CHMP3: variants seen among roughly 807,000 people sequenced by gnomAD.
CHMP3 encodes 25.1 protein.
CHMP3 carries 8 observed loss-of-function variants against 27.4 expected under a neutral mutation model. The observed-to-expected ratio is 0.29, with a 90% confidence interval of 0.17 to 0.53. CHMP3 has a LOEUF of 0.53. Ranked by LOEUF, CHMP3 falls within the 20% of genes least tolerant of loss-of-function variation. The pLI, the probability that CHMP3 is intolerant of heterozygous loss-of-function variation, is 0.96. For missense variants in CHMP3, 208 were observed against 271.5 expected (o/e 0.77, Z 1.64); for synonymous variants, 86 against 85.5 (o/e 1.01, Z -0.03).
chr2:86,531,673 C>T (rs1056491689), intron 2 of CHMP3, among the ~76,000 whole-genome samples: 11 of 152,204 alleles, frequency 7.2e-5, no homozygotes, highest in African/African-American at 2.4e-4. Context: ...CAACTGAATT[C>T]TTTTGCATAT....
At chr2:86,520,265 TCA>T (rs1232590581) in intron 3 of CHMP3, among the ~76,000 whole-genome samples, 1 of 152,196 alleles carries the variant, frequency 6.6e-6, no homozygotes, top group Non-Finnish European at 1.5e-5. Context: ...TTTAATCAGC[TCA>T]CAGTTCTGTG....
Position 86,504,859 on chromosome 2 carries a change from A to G in CHMP3, c.*945T>C, listed in dbSNP as rs1187355077. On this transcript the variant is annotated 3_prime_UTR_variant, in exon 6 of 6. Transcript: ENST00000263856. The stretch of plus-strand genomic sequence containing the variant: ...GTTTTCCTTATTTGTAAAGACTAAG[A>G]TCGCGTATGTCAAAGAGCTCTGTAA... The G allele has an allele frequency of 6.6e-6, 1 of 152,230 alleles. No homozygotes were observed. Among genetic ancestry groups the G allele is most frequent in the Admixed American group, 6.5e-5 (1 of 15,288 alleles). 9.4% of individuals were successfully genotyped at this position (152,230 alleles called of 1,614,324 possible). A position where few individuals can be genotyped will look rare whatever the true frequency, so the allele number is the denominator to read the frequency against.
chr2:86,560,808 A>G (rs1352676584), intron 1 of CHMP3, among the ~76,000 whole-genome samples: 1 of 152,166 alleles, frequency 6.6e-6, no homozygotes, highest in Non-Finnish European at 1.5e-5. Context: ...GGAAGCTTCC[A>G]ATCATGGGGG....
At chr2:86,536,837 T>C (rs867145881) in intron 2 of CHMP3, among the ~76,000 whole-genome samples, 3 of 152,192 alleles carry the variant, frequency 2.0e-5, no homozygotes, top group African/African-American at 7.2e-5. Context: ...CCACAATGCA[T>C]GTTGGTCTAC....
intron 2 of CHMP3, among the ~76,000 whole-genome samples, chr2:86,533,931 C>T (rs1477982676): frequency 1.3e-5 from 2 of 152,182 alleles, no homozygotes; most frequent in East Asian, 1.9e-4. Flanking sequence ...TTTGTGATTT[C>T]TTTTTTCACC....
chr2:86,514,266 A>G (rs1675212014), intron 3 of CHMP3, among the ~76,000 whole-genome samples: 1 of 152,214 alleles, frequency 6.6e-6, no homozygotes, highest in Non-Finnish European at 1.5e-5. Context: ...AATATAAGCC[A>G]CAGTGGTCAA....
intron 1 of CHMP3, among the ~76,000 whole-genome samples, chr2:86,554,816 C>T (rs3051504): frequency 0.51 from 73,763 of 145,264 alleles, 20,499 homozygotes; most frequent in East Asian, 0.74. Flanking sequence ...TGTGTGCGCG[C>T]GTGTGTGTGT....
At chr2:86,517,112 C>T (rs1260209663) in intron 3 of CHMP3, among the ~76,000 whole-genome samples, 4 of 151,882 alleles carry the variant, frequency 2.6e-5, no homozygotes, top group Non-Finnish European at 5.9e-5. Flanking sequence ...AAACATAAGC[C>T]TTAATTTAAA....
chr2:86,563,331 C>T lies in CHMP3; in HGVS notation c.18G>A (p.Lys6=). 1 of 1,614,136 alleles carries T rather than the reference C, an allele frequency of 6.2e-7. No homozygotes were observed. The highest frequency in any genetic ancestry group is 8.5e-7 in the Non-Finnish European group (1 of 1,179,992). Residue 6 remains lysine, a synonymous_variant, in exon 1 of 6, where the codon AAG becomes AAA. Coordinates refer to ENST00000263856, the MANE Select transcript of CHMP3 (RefSeq NM_016079.4). ...GTTCTTTGGGCGGCTTCTCCTGGGT[C>T]TTTCCAAACAGCCCCATGACGAACT... MGLFG[K]TQEKPPKELV...
At position 86,520,013 on chromosome 2, in the gene CHMP3, G is replaced by A. The variant is rs529823811; in HGVS notation, c.286+9205C>T. ...TTGTAGACCTGAGTAATAAATGTGT[G>A]TGGTATGTATAAAATGACATAATGT... is the stretch of plus-strand genomic sequence containing the variant. On this transcript the variant is annotated intron_variant, in intron 3 of 5. Transcript: ENST00000263856. Among the ~76,000 whole-genome samples the A allele has an allele frequency of 2.0e-5, 3 of 152,280 alleles. No homozygotes were observed. In the South Asian group the frequency reaches 6.2e-4, roughly 32 times the overall value.
At chr2:86,546,362 G>C (rs1056338453) in intron 1 of CHMP3, among the ~76,000 whole-genome samples, 1 of 142,694 alleles carries the variant, frequency 7.0e-6, no homozygotes, top group Non-Finnish European at 1.6e-5. Context: ...GAGACCCGAA[G>C]GGAGGGGAAG....
At chr2:86,542,457 T>A in intron 1 of CHMP3, 145 bp from the exon 2 acceptor site, 6 of 750,996 alleles carry the variant, frequency 8.0e-6, no homozygotes, top group Non-Finnish European at 1.1e-5. Flanking sequence ...AGGGTCAAAT[T>A]TTACTTTTTT....
intron 2 of CHMP3, among the ~76,000 whole-genome samples, chr2:86,538,755 G>C (rs953104230): frequency 6.6e-6 from 1 of 152,098 alleles, no homozygotes; most frequent in Admixed American, 6.6e-5. Context: ...TGTTACATTT[G>C]ACTGAAAACT....
intron 1 of CHMP3, among the ~76,000 whole-genome samples, chr2:86,547,268 C>T (rs1030106756): frequency 3.3e-5 from 5 of 152,108 alleles, no homozygotes; most frequent in Non-Finnish European, 7.4e-5. Context: ...TTTGATTGCA[C>T]GGAATACAAG....
At chr2:86,538,323 G>T (rs308909) in intron 2 of CHMP3, among the ~76,000 whole-genome samples, 2,346 of 152,252 alleles carry the variant, frequency 0.015, 37 homozygotes, top group Non-Finnish European at 0.022. Flanking sequence ...TATGGATGAG[G>T]AAACAGATCT....
In CHMP3 at chr2:86,505,876, G is replaced by C. The variant is rs1056031079; in HGVS notation, c.597C>G (p.Ala199=). The C allele has an allele frequency of 3.1e-6, 5 of 1,602,094 alleles. No homozygotes were observed. The African/African-American group carries it at 6.7e-5, about 22-fold the overall frequency. Residue 199 remains alanine (A), a synonymous_variant, in exon 6 of 6, where the codon GCC becomes GCG. Transcript: ENST00000263856. ...CTTCCTCCTCCTCCTCATCCTCTGA[G>C]GCAGCCATCGCTCCTGGAGGTTCTG... ...PEPEPPGAMA[A]SEDEEEEEEA...
At chr2:86,512,642 C>T (rs1675147354) in intron 3 of CHMP3, 1 of 152,118 alleles carries the variant, frequency 6.6e-6, no homozygotes, top group Non-Finnish European at 1.5e-5. Context: ...TAAAGGACTG[C>T]TATCCACAAC....
chr2:86,518,549 G>A (rs936941965), intron 3 of CHMP3, among the ~76,000 whole-genome samples: 6 of 152,150 alleles, frequency 3.9e-5, no homozygotes, highest in Non-Finnish European at 8.8e-5. Context: ...TCAAAAGTGT[G>A]AGTTGATTCC....
intron 2 of CHMP3, among the ~76,000 whole-genome samples, chr2:86,530,221 G>A (rs1675865399): frequency 6.6e-6 from 1 of 152,086 alleles, no homozygotes; most frequent in African/African-American, 2.4e-5. Context: ...TCGAACTGCT[G>A]ACCTCAGGTG....
Sources: allele counts gnomAD v4.1 joint callset (sites outside exome capture counted in the v4.1 genomes callset), GRCh38; gene constraint gnomAD v4.1.1; transcripts MANE v1.5; gene names NCBI Gene and HGNC (gene_info 2026-07-23, HGNC 2026-07-21).